The following GSDMC variants were observed in gnomAD, a reference collection of about 807,000 sequenced individuals.
GSDMC encodes the protein gasdermin-C.
GSDMC carries 59 observed loss-of-function variants against 58.0 expected under a neutral mutation model. The observed-to-expected ratio is 1.02, with a 90% confidence interval of 0.82 to 1.26. The LOEUF is 1.26. Among genes scored for constraint, GSDMC ranks in the 50% most tolerant of loss-of-function variants. The pLI is 0.00. For synonymous variants in GSDMC, 241 were observed against 220.2 expected, an observed-to-expected ratio of 1.09 and a Z score of -0.83; for missense variants, 659 against 598.5, an observed-to-expected ratio of 1.10 and a Z score of -1.06.
At chr8:129,753,010 T>C (rs2130357628) in intron 6 of GSDMC, 190 bp from the exon 7 acceptor site, 3 of 1,056,992 alleles carry the variant, frequency 2.8e-6, no homozygotes, top group East Asian at 2.7e-5. Flanking sequence ...TGGCAAGCCT[T>C]GCAAATGCCA....
chr8:129,734,399 G>GA, the GSDMC span, among the ~76,000 whole-genome samples: 4 of 151,952 alleles, frequency 2.6e-5, no homozygotes, highest in South Asian at 2.1e-4. Flanking sequence ...TGAAATGAAG[G>GA]AAAAAAATGT....
the GSDMC span, among the ~76,000 whole-genome samples, chr8:129,727,708 G>A: frequency 8.6e-4 from 131 of 152,280 alleles, no homozygotes; most frequent in African/African-American, 3.0e-3. Flanking sequence ...TTGCTGACCC[G>A]GTAGCATGAC....
chr8:129,749,430 C>G, intron 13 of GSDMC, 22 bp downstream of exon 13: 9 of 1,550,076 alleles, frequency 5.8e-6, no homozygotes, highest in Non-Finnish European at 7.1e-6. Context: ...CCCTGAACTT[C>G]TGGCCCCTGG....
At chr8:129,784,942 G>A in intron 1 of GSDMC, among the ~76,000 whole-genome samples, 1 of 152,128 alleles carries the variant, frequency 6.6e-6, no homozygotes, top group East Asian at 1.9e-4. Flanking sequence ...GCTGGGTGCG[G>A]TGGCTCATGC....
At chr8:129,751,292 T>C (rs2033180752) in intron 10 of GSDMC, among the ~76,000 whole-genome samples, 1 of 152,208 alleles carries the variant, frequency 6.6e-6, no homozygotes, top group Non-Finnish European at 1.5e-5. Context: ...CTGCTTGGGA[T>C]GAGAGATCAC....
the GSDMC span, among the ~76,000 whole-genome samples, chr8:129,709,618 A>T: frequency 6.6e-6 from 1 of 151,928 alleles, no homozygotes; most frequent in East Asian, 1.9e-4. Flanking sequence ...ATAGATAGAT[A>T]GATAGATAGA....
At chr8:129,721,866 G>A in the GSDMC span, among the ~76,000 whole-genome samples, 645 of 152,246 alleles carry the variant, frequency 4.2e-3, 8 homozygotes, top group African/African-American at 0.015. Flanking sequence ...TCAGAACAAT[G>A]CGCTGTATGT....
chr8:129,721,317 C>G, the GSDMC span, among the ~76,000 whole-genome samples: 753 of 152,276 alleles, frequency 4.9e-3, 7 homozygotes, highest in African/African-American at 0.016. Context: ...CACTCCCACC[C>G]CTTTGCCTTA....
intron 3 of GSDMC, among the ~76,000 whole-genome samples, chr8:129,767,152 C>T (rs913459997): frequency 7.2e-5 from 11 of 152,170 alleles, no homozygotes; most frequent in Non-Finnish European, 4.4e-5. Context: ...GCCTCAGAGC[C>T]CAACCTAAGT....
chr8:129,752,031 A>G, intron 8 of GSDMC, 75 bp downstream of exon 8: 1 of 1,466,758 alleles, frequency 6.8e-7, no homozygotes, highest in South Asian at 1.1e-5. Context: ...GACTTTGGGT[A>G]ATAGCACCAA....
At chr8:129,772,400 AAAG>A (rs1394004266) in intron 3 of GSDMC, among the ~76,000 whole-genome samples, 3 of 152,126 alleles carry the variant, frequency 2.0e-5, no homozygotes, top group Non-Finnish European at 2.9e-5. Flanking sequence ...ACAAACCAAG[AAAG>A]AAGAACTCCA....
At chr8:129,739,062 C>CT in the GSDMC span, among the ~76,000 whole-genome samples, 2 of 151,762 alleles carry the variant, frequency 1.3e-5, no homozygotes, top group Non-Finnish European at 2.9e-5. Context: ...TTTTATTATA[C>CT]TTTAAGTTCT....
intron 6 of GSDMC, among the ~76,000 whole-genome samples, chr8:129,760,328 A>G (rs1464881980): frequency 6.6e-6 from 1 of 152,190 alleles, no homozygotes; most frequent in Non-Finnish European, 1.5e-5. Context: ...CAGTCAAAAT[A>G]ATTTAATTGT....
intron 1 of GSDMC, among the ~76,000 whole-genome samples, chr8:129,782,088 T>C (rs140586718): frequency 6.6e-6 from 1 of 152,078 alleles, no homozygotes; most frequent in East Asian, 1.9e-4. Context: ...TACAAACACA[T>C]GGAAATTAAA....
At chr8:129,730,338 C>G in the GSDMC span, 2 of 1,334,168 alleles carry the variant, frequency 1.5e-6, no homozygotes, top group Middle Eastern at 4.0e-4. Context: ...ACTGCATGAT[C>G]TTGAAACTGT....
chr8:129,780,139 G>C (rs1275640615), intron 1 of GSDMC, among the ~76,000 whole-genome samples: 1 of 151,988 alleles, frequency 6.6e-6, no homozygotes, highest in Non-Finnish European at 1.5e-5. Flanking sequence ...AGCCTCAAAA[G>C]GGCAATAGAA....
chr8:129,759,300 G>T (rs2033567195), intron 6 of GSDMC, among the ~76,000 whole-genome samples: 1 of 152,100 alleles, frequency 6.6e-6, no homozygotes, highest in Admixed American at 6.6e-5. Context: ...ACAATGGTCT[G>T]GGCAAAGATT....
rs148475316 is a variant in GSDMC, at chr8:129,765,729, C to T, written c.469G>A (p.Val157Met). 6.9e-5 allele frequency: 111 copies of T among 1,612,464 alleles called. No individual in the cohort carries two copies. The highest frequency in any genetic ancestry group is 3.3e-4 in the Middle Eastern group (2 of 6,080). Residue 157 changes from valine to methionine, a missense_variant, in exon 4 of 14, where the codon GTG (valine) becomes ATG (methionine). Physicochemically the swap from Val to Met is conservative, Grantham distance 21. Transcript: ENST00000276708. ...ECRRRGDNLY[V>M]VTEAVELINN... ...ATCAGTTCAACAGCCTCTGTCACCA[C>T]GTACAGGTTGTCCCCTCTCCTCCGG...
chr8:129,747,365 T>C (rs1050878929), downstream of GSDMC, among the ~76,000 whole-genome samples: 9 of 152,048 alleles, frequency 5.9e-5, no homozygotes, highest in African/African-American at 2.2e-4. Context: ...TAGGAGATGA[T>C]AGAAGAGCAA....
Sources: allele counts gnomAD v4.1 joint callset (sites outside exome capture counted in the v4.1 genomes callset), GRCh38; gene constraint gnomAD v4.1.1; transcripts MANE v1.5; gene names NCBI Gene and HGNC (gene_info 2026-07-23, HGNC 2026-07-21).